The following JAZF1 variants were observed in gnomAD, a reference collection of about 807,000 sequenced individuals.
JAZF1 encodes the protein JAZF zinc finger 1, also known as juxtaposed with another zinc finger protein 1.
Under a neutral mutation model 26.4 loss-of-function variants are expected in JAZF1, and 8 were observed. The ratio of observed to expected loss-of-function variants is 0.30; its 90% CI spans 0.18 to 0.55. JAZF1 has a LOEUF of 0.55. JAZF1 is among the 20% of genes least tolerant of loss of function. JAZF1 has a pLI of 0.94. For missense variants in JAZF1, 199 were observed against 322.0 expected, an observed-to-expected ratio of 0.62 and a Z score of 2.92; for synonymous variants, 126 against 122.3, an observed-to-expected ratio of 1.03 and a Z score of -0.20.
chr7:27,927,631 G>C (rs1216748777), intron 2 of JAZF1, among the ~76,000 whole-genome samples: 5 of 152,040 alleles, frequency 3.3e-5, no homozygotes, highest in Non-Finnish European at 5.9e-5. Context: ...TTGTGGGCAA[G>C]GGCCTCATAG....
chr7:28,101,241 T>A (rs1441884314), intron 1 of JAZF1, among the ~76,000 whole-genome samples: 1 of 152,228 alleles, frequency 6.6e-6, no homozygotes, highest in African/African-American at 2.4e-5. Context: ...ATCAATCTGA[T>A]ATTTCTGCCA....
intron 1 of JAZF1, among the ~76,000 whole-genome samples, chr7:28,047,658 T>C (rs1411090514): frequency 6.6e-6 from 1 of 152,172 alleles, no homozygotes; most frequent in African/African-American, 2.4e-5. Flanking sequence ...TTTCTTCAAC[T>C]TTATTGAAGC....
At chr7:28,012,013 C>T (rs188004241) in intron 1 of JAZF1, among the ~76,000 whole-genome samples, 7 of 152,228 alleles carry the variant, frequency 4.6e-5, no homozygotes, top group African/African-American at 1.4e-4. Flanking sequence ...ATTCCAGGCT[C>T]GACATGCCCG....
chr7:27,939,293 T>C (rs1368281685), intron 2 of JAZF1, among the ~76,000 whole-genome samples: 1 of 152,180 alleles, frequency 6.6e-6, no homozygotes, highest in African/African-American at 2.4e-5. Flanking sequence ...GATGAACTGA[T>C]AGTCAGCTAA....
intron 3 of JAZF1, among the ~76,000 whole-genome samples, chr7:27,850,556 TGGAACCACAA>T (rs1178749292): frequency 1.3e-5 from 2 of 152,362 alleles, no homozygotes; most frequent in Non-Finnish European, 2.9e-5. Context: ...AGGACACTGC[TGGAACCACAA>T]GGAGCCACTG....
chr7:28,004,922 G>C (rs1188284625), intron 1 of JAZF1, among the ~76,000 whole-genome samples: 1 of 152,048 alleles, frequency 6.6e-6, no homozygotes, highest in Non-Finnish European at 1.5e-5. Flanking sequence ...CAAAGTGCTG[G>C]GATTACGGCG....
chr7:28,029,602 G>T (rs1430901192), intron 1 of JAZF1, among the ~76,000 whole-genome samples: 6 of 152,292 alleles, frequency 3.9e-5, no homozygotes, highest in Admixed American at 2.0e-4. Flanking sequence ...AAAATCTATA[G>T]AATTCTTAGG....
At chr7:28,143,194 A>G (rs1264808994) in intron 1 of JAZF1, among the ~76,000 whole-genome samples, 1 of 152,054 alleles carries the variant, frequency 6.6e-6, no homozygotes, top group Non-Finnish European at 1.5e-5. Flanking sequence ...AAGTCATCAG[A>G]CTTTCTCTGT....
At chr7:28,101,417 G>A (rs2127927469) in intron 1 of JAZF1, among the ~76,000 whole-genome samples, 1 of 152,166 alleles carries the variant, frequency 6.6e-6, no homozygotes. Flanking sequence ...AAGAAGGGCT[G>A]AAAGGGAATC....
chr7:27,881,441 C>CT (rs1481235238), intron 3 of JAZF1, among the ~76,000 whole-genome samples: 1 of 152,174 alleles, frequency 6.6e-6, no homozygotes, highest in Non-Finnish European at 1.5e-5. Flanking sequence ...TAATTAAACA[C>CT]TTTTTTCAAA....
At chr7:27,921,403 G>A (rs1419452587) in intron 2 of JAZF1, among the ~76,000 whole-genome samples, 1 of 151,660 alleles carries the variant, frequency 6.6e-6, no homozygotes, top group African/African-American at 2.4e-5. Context: ...CCCTCTGCAG[G>A]CCAGAAGTTT....
At position 28,080,907 on chromosome 7, in the gene JAZF1, A is replaced by G. The variant is rs115299169; in HGVS notation, c.116-88926T>C. The stretch of plus-strand genomic sequence containing the variant: ...ATAAAGCAAGCACATGCCATTGGGA[A>G]AATGGCCATAAACCTACAATTTGTA... On this transcript the variant is annotated intron_variant, in intron 1 of 4. Coordinates refer to ENST00000283928, the MANE Select transcript of JAZF1 (RefSeq NM_175061.4). Among the ~76,000 whole-genome samples the G allele has an allele frequency of 2.0e-3, 305 of 151,766 alleles. 1 individual carries two copies. Among genetic ancestry groups the G allele is most frequent in the African/African-American group, 6.5e-3 (268 of 41,076 alleles).
At chr7:28,110,437 A>G (rs1437331122) in intron 1 of JAZF1, among the ~76,000 whole-genome samples, 1 of 134,410 alleles carries the variant, frequency 7.4e-6, no homozygotes, top group Non-Finnish European at 1.6e-5. Context: ...AAAAGAAAAA[A>G]GAGAGAGAGA....
intron 1 of JAZF1, among the ~76,000 whole-genome samples, chr7:28,055,213 A>G (rs1259277509): frequency 1.3e-5 from 2 of 151,944 alleles, no homozygotes; most frequent in African/African-American, 4.8e-5. Flanking sequence ...CTTCTAGTCT[A>G]GTCTCTCTCC....
In JAZF1 at chr7:28,037,420, C is replaced by T. The variant is rs117438149; in HGVS notation, c.116-45439G>A. ...TAGCAGGCCCCATTTTAACCTTGGTCGAGTTTTATGACTCATGTAAAACAT... is the reference window on the plus strand; with the variant it reads ...TAGCAGGCCCCATTTTAACCTTGGTTGAGTTTTATGACTCATGTAAAACAT... On this transcript the variant is annotated intron_variant, in intron 1 of 4. Coordinates refer to ENST00000283928, the MANE Select transcript of JAZF1 (RefSeq NM_175061.4). Among the ~76,000 whole-genome samples the T allele has an allele frequency of 5.2e-3, 791 of 152,166 alleles. 4 individuals are homozygous for T. Among genetic ancestry groups the T allele is most frequent in the Middle Eastern group, 0.014 (4 of 294 alleles).
chr7:28,086,492 G>A (rs946824943), intron 1 of JAZF1, among the ~76,000 whole-genome samples: 7 of 152,170 alleles, frequency 4.6e-5, no homozygotes, highest in South Asian at 2.1e-4. Flanking sequence ...GTTTCACCAC[G>A]AGCATCTATA....
At chr7:28,133,446 T>G (rs918096984) in intron 1 of JAZF1, among the ~76,000 whole-genome samples, 1 of 152,116 alleles carries the variant, frequency 6.6e-6, no homozygotes, top group Non-Finnish European at 1.5e-5. Context: ...GATGATGACA[T>G]AAATTGTGTT....
At chr7:28,106,621 C>A (rs568465828) in intron 1 of JAZF1, among the ~76,000 whole-genome samples, 10 of 152,128 alleles carry the variant, frequency 6.6e-5, no homozygotes, top group Non-Finnish European at 1.0e-4. Context: ...ACCATATGGT[C>A]ATTTCCCTCC....
chr7:28,170,439 T>C (rs1783444595), intron 1 of JAZF1, among the ~76,000 whole-genome samples: 2 of 151,316 alleles, frequency 1.3e-5, no homozygotes, highest in Admixed American at 6.6e-5. Context: ...GTATTGTGTT[T>C]GTCAGGAGAA....
Sources: allele counts gnomAD v4.1 joint callset (sites outside exome capture counted in the v4.1 genomes callset), GRCh38; gene constraint gnomAD v4.1.1; transcripts MANE v1.5; gene names NCBI Gene and HGNC (gene_info 2026-07-23, HGNC 2026-07-21).